Variants in ADAM22 observed in about 807,000 individuals in gnomAD.
ADAM22 encodes the protein ADAM metallopeptidase domain 22.
A neutral mutation model predicts 144.6 loss-of-function variants in ADAM22; 65 were observed. The observed-to-expected ratio is 0.45, with a 90% CI of 0.37 to 0.55. ADAM22 has a LOEUF of 0.55. ADAM22 is among the 20% of genes least tolerant of loss of function. The pLI, the probability that ADAM22 is intolerant of heterozygous loss-of-function variation, is 0.00. For synonymous variants in ADAM22, 391 were observed against 412.6 expected (o/e 0.95, Z 0.63); for missense variants, 974 against 1,184.9 (o/e 0.82, Z 2.61).
At chr7:88,114,100 A>G (rs1326256041) in intron 5 of ADAM22, among the ~76,000 whole-genome samples, 2 of 152,080 alleles carry the variant, frequency 1.3e-5, no homozygotes, top group African/African-American at 4.8e-5. Context: ...AGTTGTTCAA[A>G]TGTGTTAGCT....
intron 3 of ADAM22, among the ~76,000 whole-genome samples, chr7:87,981,688 G>A (rs1438895899): frequency 6.6e-6 from 1 of 152,108 alleles, no homozygotes; most frequent in Non-Finnish European, 1.5e-5. Context: ...GCTTTATACT[G>A]TGGCTCTTGA....
chr7:88,075,525 T>C (rs1177467723), intron 3 of ADAM22, 101 bp from the exon 4 acceptor site: 1 of 975,704 alleles, frequency 1.0e-6, no homozygotes, highest in African/African-American at 1.6e-5. Flanking sequence ...TTTGGGGGGC[T>C]TAAAGAATTG....
chr7:88,092,512 C>T (rs1462388559), intron 4 of ADAM22, among the ~76,000 whole-genome samples: 2 of 152,228 alleles, frequency 1.3e-5, no homozygotes, highest in Non-Finnish European at 2.9e-5. Context: ...TTAGTATCTT[C>T]TGGATGAGCT....
intron 3 of ADAM22, among the ~76,000 whole-genome samples, chr7:88,031,311 G>T (rs1800211895): frequency 6.6e-6 from 1 of 152,188 alleles, no homozygotes; most frequent in South Asian, 2.1e-4. Flanking sequence ...GCAGTTTGAA[G>T]GTTCAGAAGA....
At chr7:88,105,165 T>C (rs1290418732) in intron 4 of ADAM22, among the ~76,000 whole-genome samples, 1 of 152,202 alleles carries the variant, frequency 6.6e-6, no homozygotes, top group Non-Finnish European at 1.5e-5. Flanking sequence ...CTCATGACTA[T>C]CAATTTCCAT....
At chr7:88,135,195 T>C (rs1247486723) in intron 13 of ADAM22, among the ~76,000 whole-genome samples, 2 of 141,168 alleles carry the variant, frequency 1.4e-5, no homozygotes, top group Admixed American at 1.6e-4. Flanking sequence ...GGAGAATCAC[T>C]TGAACCCAGG....
intron 4 of ADAM22, among the ~76,000 whole-genome samples, chr7:88,090,511 G>T (rs1819581603): frequency 6.6e-6 from 1 of 152,146 alleles, no homozygotes; most frequent in East Asian, 1.9e-4. Context: ...GACTAGTAAT[G>T]AAACTAAAAT....
chr7:88,127,558 T>G (rs528367126), intron 8 of ADAM22, among the ~76,000 whole-genome samples: 116 of 152,098 alleles, frequency 7.6e-4, no homozygotes, highest in African/African-American at 2.6e-3. Context: ...TTGTATCTAT[T>G]ATTCCCTATC....
rs956018342 is a variant in ADAM22, at chr7:88,150,271, C to T, written c.1567-710C>T. On this transcript the variant is annotated intron_variant, in intron 18 of 31. Coordinates refer to ENST00000413139, the MANE Select transcript of ADAM22 (RefSeq NM_001324418.2). ...GGTGTCATCACTTTTCTTTGCTGCA[C>T]TTTCATCTCTGTTGGCCAGTTTCCT... Among the ~76,000 whole-genome samples, 41 of 152,140 alleles carry T rather than the reference C, an allele frequency of 2.7e-4. 1 individual carries two copies. The highest frequency in any genetic ancestry group is 2.6e-3 in the Admixed American group (40 of 15,266).
intron 4 of ADAM22, among the ~76,000 whole-genome samples, chr7:88,103,916 A>G (rs1394959151): frequency 6.6e-6 from 1 of 152,164 alleles, no homozygotes; most frequent in African/African-American, 2.4e-5. Context: ...AATGCAGTGT[A>G]TATTCTAAAA....
intron 22 of ADAM22, among the ~76,000 whole-genome samples, chr7:88,158,361 A>G (rs12539469): frequency 0.12 from 17,673 of 152,168 alleles, 1,784 homozygotes; most frequent in East Asian, 0.48. Flanking sequence ...GAAAATTAAC[A>G]AAGATATTCA....
chr7:87,958,438 T>C (rs570294634), intron 2 of ADAM22, among the ~76,000 whole-genome samples: 1 of 152,120 alleles, frequency 6.6e-6, no homozygotes, highest in South Asian at 2.1e-4. Context: ...CAGGCTGGAG[T>C]GCAATGGCGT....
rs2131128874 is a variant in ADAM22 at position 87,934,369 on chromosome 7, C to T, written c.-97C>T. Reference sequence around the variant, plus strand: ...CCGGCCGGGGCTGGGTGGAGGTGGCCGCGGGGACCCCGGGGGCGCGGAGCG... The same window carrying T: ...CCGGCCGGGGCTGGGTGGAGGTGGCTGCGGGGACCCCGGGGGCGCGGAGCG... On this transcript the variant is annotated 5_prime_UTR_variant, in exon 1 of 32. Coordinates refer to ENST00000413139, the MANE Select transcript of ADAM22 (RefSeq NM_001324418.2). The T allele has an allele frequency of 7.9e-7, 1 of 1,258,888 alleles. No homozygotes were observed. The highest frequency in any genetic ancestry group is 1.1e-6 in the Non-Finnish European group (1 of 918,162). 78.0% of individuals were successfully genotyped at this position (1,258,888 alleles called of 1,614,324 possible). A position where few individuals can be genotyped will look rare whatever the true frequency, so the allele number is the denominator to read the frequency against.
intron 3 of ADAM22, among the ~76,000 whole-genome samples, chr7:88,062,846 T>A (rs1240394050): frequency 1.3e-5 from 2 of 152,156 alleles, no homozygotes; most frequent in Non-Finnish European, 2.9e-5. Flanking sequence ...GGAATAGGGA[T>A]GCCTGTGGAG....
chr7:87,991,085 A>G (rs963119760), intron 3 of ADAM22, among the ~76,000 whole-genome samples: 1 of 152,218 alleles, frequency 6.6e-6, no homozygotes, highest in Non-Finnish European at 1.5e-5. Context: ...AAGTTGGTTT[A>G]TAGAAGCCCT....
rs1563271170 is a variant in ADAM22 at position 88,125,640 on chromosome 7, CA to C, written c.664del (p.Arg222GlyfsTer13). The C allele has an allele frequency of 1.9e-6, 3 of 1,587,168 alleles. No individual in the cohort carries two copies. The highest frequency in any genetic ancestry group is 1.2e-5 in the South Asian group (1 of 86,544). On this transcript the variant is annotated frameshift_variant, in exon 8 of 32. Transcript: ENST00000413139. LOFTEE classifies it high-confidence loss of function. ...TCAAAATTTATTTTGAAGCCAAGACCAAAAAGGAGTAAACGGCAGGTATGTA... is the reference window on the plus strand; with the variant it reads ...TCAAAATTTATTTTGAAGCCAAGACCAAAAGGAGTAAACGGCAGGTATGTA... ...TPSKFILKPR[P>X]KRSKRQLRRY...
At chr7:88,097,085 C>T (rs190954360) in intron 4 of ADAM22, among the ~76,000 whole-genome samples, 1 of 151,646 alleles carries the variant, frequency 6.6e-6, no homozygotes, top group Non-Finnish European at 1.5e-5. Flanking sequence ...GCATGTAAGG[C>T]TCAAGGTGCA....
At chr7:87,936,548 C>G (rs941478887) in intron 2 of ADAM22, among the ~76,000 whole-genome samples, 2 of 152,266 alleles carry the variant, frequency 1.3e-5, no homozygotes, top group Non-Finnish European at 2.9e-5. Flanking sequence ...ACCCCCAGCT[C>G]CAACAATTAG....
At chr7:88,156,077 C>A in intron 22 of ADAM22, 71 bp downstream of exon 22, 1 of 1,545,830 alleles carries the variant, frequency 6.5e-7, no homozygotes, top group Non-Finnish European at 8.9e-7. Flanking sequence ...GGATTCCTTC[C>A]GTTTTCAATT....
Sources: allele counts gnomAD v4.1 joint callset (sites outside exome capture counted in the v4.1 genomes callset), GRCh38; gene constraint gnomAD v4.1.1; transcripts MANE v1.5; gene names NCBI Gene and HGNC (gene_info 2026-07-23, HGNC 2026-07-21).